WWC2: variants seen among roughly 807,000 people sequenced by gnomAD.
WWC2 encodes protein WWC2.
Under a neutral mutation model 138.5 loss-of-function variants are expected in WWC2, and 101 were observed. The observed-to-expected ratio is 0.73, with a 90% CI of 0.62 to 0.86. The LOEUF (loss-of-function observed/expected upper bound fraction) is 0.86. Ranked by LOEUF, WWC2 falls within the 40% of genes least tolerant of loss-of-function variation. WWC2 has a pLI of 0.00. For synonymous variants in WWC2, 558 were observed against 538.4 expected (o/e 1.04, Z -0.50); for missense variants, 1,420 against 1,419.4 (o/e 1.00, Z -0.01).
chr4:183,280,996 A>C, intron 17 of WWC2, 99 bp downstream of exon 17: 2 of 1,437,536 alleles, frequency 1.4e-6, no homozygotes, highest in Non-Finnish European at 1.8e-6. Flanking sequence ...TTCCAGAATG[A>C]TGGAATGCAC....
At chr4:183,169,253 A>C (rs1734210004) in intron 1 of WWC2, among the ~76,000 whole-genome samples, 1 of 152,240 alleles carries the variant, frequency 6.6e-6, no homozygotes, top group East Asian at 1.9e-4. Flanking sequence ...TGAAACTTTT[A>C]ATTTTGCTTA....
At chr4:183,117,662 A>G (rs1322764684) in intron 1 of WWC2, among the ~76,000 whole-genome samples, 1 of 149,884 alleles carries the variant, frequency 6.7e-6, no homozygotes, top group African/African-American at 2.5e-5. Context: ...ACAAGGTCTC[A>G]TCTCCCTGTG....
At chr4:183,303,343 T>C (rs1738919642) in intron 21 of WWC2, among the ~76,000 whole-genome samples, 1 of 152,194 alleles carries the variant, frequency 6.6e-6, no homozygotes, top group Non-Finnish European at 1.5e-5. Context: ...AACAGACTCA[T>C]CCTTTGCCCT....
At chr4:183,130,681 G>C (rs1232613702) in intron 1 of WWC2, among the ~76,000 whole-genome samples, 1 of 152,182 alleles carries the variant, frequency 6.6e-6, no homozygotes, top group East Asian at 1.9e-4. Flanking sequence ...TCTGAGCCCA[G>C]TTTCTTCATT....
chr4:183,229,147 T>C (rs76687743), intron 4 of WWC2, among the ~76,000 whole-genome samples: 4,830 of 152,156 alleles, frequency 0.032, 307 homozygotes, highest in African/African-American at 0.11. Context: ...TACCTGGCTG[T>C]TGCTACTTCG....
At chr4:183,252,404 C>G (rs1042788009) in intron 8 of WWC2, among the ~76,000 whole-genome samples, 1 of 152,190 alleles carries the variant, frequency 6.6e-6, no homozygotes, top group Non-Finnish European at 1.5e-5. Context: ...TCCTCATTGT[C>G]TTTACAGTGC....
chr4:183,125,322 T>A (rs1204662718), intron 1 of WWC2, among the ~76,000 whole-genome samples: 1 of 152,224 alleles, frequency 6.6e-6, no homozygotes, highest in Non-Finnish European at 1.5e-5. Context: ...GAGTGCTCCC[T>A]GACATCTGTC....
At chr4:183,250,514 C>T (rs189616727) in intron 8 of WWC2, among the ~76,000 whole-genome samples, 4 of 152,200 alleles carry the variant, frequency 2.6e-5, no homozygotes, top group African/African-American at 9.6e-5. Context: ...CTCTCTTTTA[C>T]CTCATAAACT....
At chr4:183,300,225 C>T (rs1738784506) in intron 21 of WWC2, among the ~76,000 whole-genome samples, 1 of 152,116 alleles carries the variant, frequency 6.6e-6, no homozygotes, top group African/African-American at 2.4e-5. Context: ...CCAAGTGGCT[C>T]CCAGGCCTCG....
chr4:183,280,845 G>C lies in WWC2; in HGVS notation c.2632G>C (p.Glu878Gln). 3 of 1,539,016 alleles carry C rather than the reference G, an allele frequency of 1.9e-6. 1 individual carries two copies. Among genetic ancestry groups the C allele is most frequent in the Middle Eastern group, 3.4e-4 (2 of 5,852 alleles). Residue 878 changes from glutamate to glutamine, a missense_variant, in exon 17 of 23, where the codon GAA (glutamate) becomes CAA (glutamine). By Grantham distance (29) the Glu-to-Gln change is conservative. Transcript: ENST00000403733. ...LLAVEQELAQ[E>Q]EEEESGQEEP... ...AGCTGTGGAACAAGAATTAGCACAA[G>C]AAGAAGAAGAAGAATCAGGACAAGA...
intron 16 of WWC2, 80 bp downstream of exon 16, chr4:183,271,321 T>C (rs1233289061): frequency 2.5e-6 from 3 of 1,210,214 alleles, no homozygotes; most frequent in South Asian, 2.4e-5. Context: ...ATATGAAATA[T>C]GGAATGCTAC....
At chr4:183,168,914 T>G (rs1199279920) in intron 1 of WWC2, among the ~76,000 whole-genome samples, 2 of 152,174 alleles carry the variant, frequency 1.3e-5, no homozygotes, top group Non-Finnish European at 1.5e-5. Context: ...AATGGCACGA[T>G]CTCGGCTCGC....
intron 16 of WWC2, 43 bp from the exon 17 acceptor site, chr4:183,280,733 T>C (rs34842178): frequency 0.022 from 33,804 of 1,553,914 alleles, 425 homozygotes; most frequent in Non-Finnish European, 0.027. Flanking sequence ...AGTCATTTTT[T>C]CAAGTATATT....
At chr4:183,122,883 CAGAAG>C (rs1441077560) in intron 1 of WWC2, among the ~76,000 whole-genome samples, 3 of 152,076 alleles carry the variant, frequency 2.0e-5, no homozygotes, top group Admixed American at 2.0e-4. Flanking sequence ...AGCCAGTTCT[CAGAAG>C]AGAACAGAGT....
chr4:183,182,658 C>CTT (rs5864821), intron 1 of WWC2, among the ~76,000 whole-genome samples: 150,630 of 152,340 alleles, frequency 0.99, 74,494 homozygotes, highest in Middle Eastern at 1. Context: ...TCTGTTATGT[C>CTT]TGTCACTTAA....
At chr4:183,305,948 G>A (rs1161333468) in intron 21 of WWC2, among the ~76,000 whole-genome samples, 2 of 152,166 alleles carry the variant, frequency 1.3e-5, no homozygotes, top group Non-Finnish European at 2.9e-5. Context: ...GTATGCTTAC[G>A]TATAAGTGAA....
At chr4:183,288,195 G>C (rs546085787) in intron 20 of WWC2, among the ~76,000 whole-genome samples, 1 of 152,156 alleles carries the variant, frequency 6.6e-6, no homozygotes, top group Non-Finnish European at 1.5e-5. Flanking sequence ...GGATGTGGAG[G>C]AAGAACAGGA....
chr4:183,123,402 GGTGTGTGTGTGTGTGTGTGT>G (rs67158904), intron 1 of WWC2, among the ~76,000 whole-genome samples: 1 of 147,604 alleles, frequency 6.8e-6, no homozygotes, highest in African/African-American at 2.5e-5. Context: ...GCAAGTTTCA[GGTGTGTGTGTGTGTGTGTGT>G]GTGTGTGTGT....
At chr4:183,294,342 G>A (rs1738561274) in intron 21 of WWC2, among the ~76,000 whole-genome samples, 2 of 152,142 alleles carry the variant, frequency 1.3e-5, no homozygotes, top group South Asian at 2.1e-4. Context: ...GAATAGCCAA[G>A]GTACTTTGGA....
Sources: allele counts gnomAD v4.1 joint callset (sites outside exome capture counted in the v4.1 genomes callset), GRCh38; gene constraint gnomAD v4.1.1; transcripts MANE v1.5; gene names NCBI Gene and HGNC (gene_info 2026-07-23, HGNC 2026-07-21).